Variants in USP24 observed in about 807,000 individuals in gnomAD.
USP24 encodes the protein ubiquitin carboxyl-terminal hydrolase 24.
In USP24, 97 loss-of-function variants were observed where a neutral mutation model predicts 361.6. The ratio of observed to expected loss-of-function variants is 0.27; its 90% CI spans 0.23 to 0.32. The LOEUF is 0.32. Ranked by LOEUF, USP24 falls within the 10% of genes least tolerant of loss-of-function variation. The pLI is 1.00. For missense variants in USP24, 2,353 were observed against 3,165.6 expected, an observed-to-expected ratio of 0.74 and a Z score of 6.16; for synonymous variants, 1,098 against 1,124.6, an observed-to-expected ratio of 0.98 and a Z score of 0.47.
intron 1 of USP24, among the ~76,000 whole-genome samples, chr1:55,179,089 A>C (rs996022697): frequency 3.9e-5 from 6 of 152,136 alleles, no homozygotes; most frequent in African/African-American, 1.2e-4. Context: ...CTATTCTCCA[A>C]AATGGCTACT....
intron 25 of USP24, 100 bp from the exon 26 acceptor site, chr1:55,138,818 A>C: frequency 3.0e-6 from 4 of 1,320,260 alleles, no homozygotes; most frequent in Non-Finnish European, 4.2e-6. Context: ...TGCTTTTTTA[A>C]GAAAAGAGAG....
At chr1:55,189,194 C>T (rs1343029994) in intron 1 of USP24, among the ~76,000 whole-genome samples, 1 of 152,024 alleles carries the variant, frequency 6.6e-6, no homozygotes, top group African/African-American at 2.4e-5. Context: ...ACATAAAACA[C>T]GTATACATGA....
At chr1:55,138,580 A>T in intron 26 of USP24, 28 bp downstream of exon 26, 1 of 1,478,934 alleles carries the variant, frequency 6.8e-7, no homozygotes, top group Non-Finnish European at 9.4e-7. Flanking sequence ...CAACATGAAA[A>T]TGGCTGTAGT....
At chr1:55,192,612 C>T (rs931041720) in intron 1 of USP24, among the ~76,000 whole-genome samples, 4 of 152,186 alleles carry the variant, frequency 2.6e-5, no homozygotes, top group Admixed American at 6.5e-5. Context: ...CATTCGATTG[C>T]AAGTCACTAA....
intron 33 of USP24, 29 bp downstream of exon 33, chr1:55,125,633 TG>T: frequency 6.3e-7 from 1 of 1,579,284 alleles, no homozygotes; most frequent in Non-Finnish European, 8.6e-7. Context: ...AAGTATTGCC[TG>T]GTAAGACTAA....
At chr1:55,096,364 G>T in intron 50 of USP24, 134 bp downstream of exon 50, 1 of 729,038 alleles carries the variant, frequency 1.4e-6, no homozygotes, top group Non-Finnish European at 1.9e-6. Flanking sequence ...GCTTGCTCAT[G>T]GTTCTATTGC....
intron 63 of USP24, among the ~76,000 whole-genome samples, chr1:55,075,252 A>G (rs1039124222): frequency 6.6e-6 from 1 of 151,918 alleles, no homozygotes; most frequent in African/African-American, 2.4e-5. Context: ...TTCCTGACTA[A>G]AAGAGGAGAA....
chr1:55,213,139 G>A (rs1012880790), intron 1 of USP24, among the ~76,000 whole-genome samples: 1 of 152,180 alleles, frequency 6.6e-6, no homozygotes, highest in Non-Finnish European at 1.5e-5. Flanking sequence ...AAAAGCAACG[G>A]CTTTCTTCTT....
chr1:55,160,177 T>C (rs1420328074), intron 8 of USP24, among the ~76,000 whole-genome samples: 1 of 152,236 alleles, frequency 6.6e-6, no homozygotes, highest in African/African-American at 2.4e-5. Flanking sequence ...TATGTGAGAA[T>C]GGTAAAGTAT....
intron 3 of USP24, among the ~76,000 whole-genome samples, chr1:55,173,428 C>G (rs914308417): frequency 6.6e-6 from 1 of 152,074 alleles, no homozygotes; most frequent in Non-Finnish European, 1.5e-5. Flanking sequence ...ATTGAATGCC[C>G]TTAATTCTCA....
rs373767246 is a variant in USP24 at position 55,089,744 on chromosome 1, T to TA, written c.6555-5dup. ...AATCCATTCTTCAGTATCAACCCTT[T>TA]AAAAAAAAGCAGATACAGCAATGTT... On this transcript the variant is annotated splice_polypyrimidine_tract_variant and splice_region_variant and intron_variant, in intron 54 of 67. Coordinates refer to ENST00000294383, the MANE Select transcript of USP24 (RefSeq NM_015306.3). 84 of 1,570,450 alleles carry TA rather than the reference T, an allele frequency of 5.3e-5. No individual in the cohort carries two copies. The highest frequency in any genetic ancestry group is 1.1e-4 in the Admixed American group (6 of 53,506).
intron 55 of USP24, 89 bp from the exon 56 acceptor site, chr1:55,086,127 A>G (rs1052020023): frequency 7.1e-6 from 9 of 1,264,786 alleles, no homozygotes; most frequent in Non-Finnish European, 1.0e-5. Context: ...AATAGCCAAG[A>G]AACAAAAGTA....
rs150474928 is a variant in USP24, at chr1:55,202,368, T to C, written c.324+12422A>G. On this transcript the variant is annotated intron_variant, in intron 1 of 67. Coordinates refer to ENST00000294383, the MANE Select transcript of USP24 (RefSeq NM_015306.3). Reference sequence around the variant, plus strand: ...TGAAACAGAAAAGTATTAAATTAGGTGGTATACTGTTTCAAGCGATTTGTA... The same window carrying C: ...TGAAACAGAAAAGTATTAAATTAGGCGGTATACTGTTTCAAGCGATTTGTA... 6.3e-3 allele frequency among the ~76,000 whole-genome samples: 961 copies of C among 152,104 alleles called. 7 individuals are homozygous for C. Among genetic ancestry groups the C allele is most frequent in the African/African-American group, 0.021 (889 of 41,504 alleles).
chr1:55,070,178 G>A (rs1379289084), intron 67 of USP24, among the ~76,000 whole-genome samples: 1 of 152,060 alleles, frequency 6.6e-6, no homozygotes, highest in African/African-American at 2.4e-5. Flanking sequence ...CAGCTTTGGT[G>A]GGCGCAGGGA....
rs763588350 is a variant in USP24 at position 55,147,708 on chromosome 1, C to T, written c.2059G>A (p.Ala687Thr). The T allele has an allele frequency of 6.2e-7, 1 of 1,612,182 alleles. No homozygotes were observed. Among genetic ancestry groups the T allele is most frequent in the South Asian group, 1.1e-5 (1 of 90,832 alleles). Reference protein sequence around the residue: ...IACHRLAAAVAGPGGLSGSTL... With the variant: ...IACHRLAAAVTGPGGLSGSTL... The stretch of plus-strand genomic sequence containing the variant: ...GAGCCACTTAAGCCTCCAGGCCCGG[C>T]CACAGCAGCTGCAAGCCGATGACAA... Residue 687 changes from alanine to threonine, a missense_variant, in exon 18 of 68, where the codon GCC (alanine) becomes ACC (threonine). Physicochemically the swap from Ala to Thr is moderately conservative, Grantham distance 58. Around this residue, in one of 8 missense-constraint regions of USP24, gnomAD observed 949 missense variants for 1,280.5 expected, o/e 0.74. Coordinates refer to ENST00000294383, the MANE Select transcript of USP24 (RefSeq NM_015306.3).
At chr1:55,198,692 T>A (rs1644482920) in intron 1 of USP24, among the ~76,000 whole-genome samples, 1 of 152,156 alleles carries the variant, frequency 6.6e-6, no homozygotes, top group African/African-American at 2.4e-5. Flanking sequence ...CTCAGTTTCA[T>A]CTATAAAATG....
intron 12 of USP24, among the ~76,000 whole-genome samples, chr1:55,156,081 T>C (rs1306176318): frequency 6.6e-6 from 1 of 152,182 alleles, no homozygotes; most frequent in African/African-American, 2.4e-5. Context: ...ACTAAGTTGA[T>C]ACAGTCAAAG....
chr1:55,080,544 G>A (rs572686809), intron 59 of USP24, among the ~76,000 whole-genome samples: 11 of 152,210 alleles, frequency 7.2e-5, no homozygotes, highest in Non-Finnish European at 1.3e-4. Flanking sequence ...ACTCCTCATA[G>A]GTTTGTTACG....
At position 55,146,964 on chromosome 1, in the gene USP24, C is replaced by G; in HGVS notation, c.2215G>C (p.Val739Leu). Residue 739 changes from valine (V) to leucine (L), a missense_variant, in exon 19 of 68, where the codon GTA becomes CTA. Physicochemically the swap from Val to Leu is conservative, Grantham distance 32 (BLOSUM62 1). This residue lies in a region of USP24 where 949 missense variants were observed against 1,280.5 expected (regional missense o/e 0.74). Coordinates refer to ENST00000294383, the MANE Select transcript of USP24 (RefSeq NM_015306.3). ...AATTCACAAACATCCTGGCCAGTTA[C>G]AAGACACTCCCAGATCTCCTTGGCA... ...NRAKEIWECL[V>L]TGQDVCELDR... 6.2e-7 allele frequency: 1 copy of G among 1,611,982 alleles called. No individual in the cohort carries two copies. The highest frequency in any genetic ancestry group is 1.3e-5 in the African/African-American group (1 of 74,866).
Sources: gnomAD v4.1 joint callset for allele counts (sites outside exome capture counted in the v4.1 genomes callset) on GRCh38, gnomAD v4.1.1 for gene constraint, gnomAD v4.1.1 regional missense constraint, MANE v1.5 for transcripts, NCBI Gene and HGNC (gene_info 2026-07-23, HGNC 2026-07-21) for gene names.